The following TMTC2 variants were observed in gnomAD, a reference collection of about 807,000 sequenced individuals.
TMTC2 encodes transmembrane O-mannosyltransferase targeting cadherins 2, also known as protein O-mannosyl-transferase TMTC2.
A neutral mutation model predicts 82.4 loss-of-function variants in TMTC2; 43 were observed. The ratio of observed to expected loss-of-function variants is 0.52; its 90% confidence interval spans 0.41 to 0.67. TMTC2 has a LOEUF of 0.67. Among genes scored for constraint, TMTC2 ranks in the 30% least tolerant of loss-of-function variants. TMTC2 has a pLI of 0.00. For synonymous variants in TMTC2, 408 were observed against 381.9 expected (o/e 1.07, Z -0.80); for missense variants, 919 against 1,012.4 (o/e 0.91, Z 1.25).
At chr12:83,082,168 T>C (rs1308943959) in intron 11 of TMTC2, among the ~76,000 whole-genome samples, 1 of 152,248 alleles carries the variant, frequency 6.6e-6, no homozygotes, top group Non-Finnish European at 1.5e-5. Context: ...GTAGAAACTA[T>C]AGCTTGAAGA....
At chr12:82,790,979 G>A (rs540636129) in intron 1 of TMTC2, among the ~76,000 whole-genome samples, 19 of 152,204 alleles carry the variant, frequency 1.2e-4, no homozygotes, top group African/African-American at 4.6e-4. Context: ...AGGGGAGCCA[G>A]TTGAGTGAGC....
At chr12:82,910,892 A>G (rs1196953989) in intron 3 of TMTC2, among the ~76,000 whole-genome samples, 1 of 141,304 alleles carries the variant, frequency 7.1e-6, no homozygotes. Flanking sequence ...TTTTTTTTTT[A>G]GAGACAGAGG....
Position 82,978,178 on chromosome 12 carries a change from C to T in TMTC2, c.1949-7747C>T, listed in dbSNP as rs531643446. 5.9e-5 allele frequency among the ~76,000 whole-genome samples: 9 copies of T among 151,546 alleles called. No individual in the cohort carries two copies. The South Asian group carries it at 6.3e-4, about 11-fold the overall frequency. On this transcript the variant is annotated intron_variant, in intron 7 of 11. Coordinates refer to ENST00000321196, the MANE Select transcript of TMTC2 (RefSeq NM_152588.3). ...GAATAACCAAGACTTGATCTAGATG[C>T]AGCCAATCTTGAATAGATCAACTAA... is the stretch of plus-strand genomic sequence containing the variant.
chr12:83,004,603 A>G (rs772422955), intron 8 of TMTC2, among the ~76,000 whole-genome samples: 28 of 151,652 alleles, frequency 1.8e-4, no homozygotes, highest in Non-Finnish European at 3.7e-4. Context: ...ACTGTGAGAT[A>G]TGTATCTATT....
At chr12:82,936,736 A>G (rs1021013379) in intron 4 of TMTC2, among the ~76,000 whole-genome samples, 2 of 152,190 alleles carry the variant, frequency 1.3e-5, no homozygotes, top group African/African-American at 2.4e-5. Context: ...ATTCTATATC[A>G]TAATAAATAT....
chr12:82,869,881 A>G (rs1872084337), intron 2 of TMTC2, among the ~76,000 whole-genome samples: 1 of 151,916 alleles, frequency 6.6e-6, no homozygotes, highest in Admixed American at 6.6e-5. Context: ...AAAAATAAGA[A>G]AAGAATTTGA....
intron 7 of TMTC2, among the ~76,000 whole-genome samples, chr12:82,972,161 A>G (rs1015383193): frequency 6.6e-5 from 10 of 152,128 alleles, no homozygotes; most frequent in African/African-American, 2.2e-4. Context: ...ATGATGAGCA[A>G]TATGCATTTA....
intron 2 of TMTC2, among the ~76,000 whole-genome samples, chr12:82,866,836 C>T (rs1043399128): frequency 2.0e-5 from 3 of 152,058 alleles, no homozygotes; most frequent in African/African-American, 7.2e-5. Flanking sequence ...TCCATGAGTA[C>T]ATTAGAGATT....
intron 11 of TMTC2, among the ~76,000 whole-genome samples, chr12:83,070,816 T>C (rs1278250999): frequency 6.6e-6 from 1 of 152,194 alleles, no homozygotes; most frequent in Non-Finnish European, 1.5e-5. Context: ...CAGTATTATG[T>C]TGGCTGTAGG....
chr12:82,871,269 A>G (rs932268864), intron 2 of TMTC2, among the ~76,000 whole-genome samples: 1 of 152,216 alleles, frequency 6.6e-6, no homozygotes, highest in Non-Finnish European at 1.5e-5. Context: ...CATCTCAAAT[A>G]TCTGACTCCA....
intron 10 of TMTC2, among the ~76,000 whole-genome samples, chr12:83,052,132 A>T (rs1882372576): frequency 6.6e-6 from 1 of 152,058 alleles, no homozygotes; most frequent in East Asian, 1.9e-4. Flanking sequence ...AATTACATAG[A>T]TTACTCTTAC....
intron 1 of TMTC2, among the ~76,000 whole-genome samples, chr12:82,850,433 C>T (rs1870912525): frequency 6.6e-6 from 1 of 150,692 alleles, no homozygotes; most frequent in African/African-American, 2.4e-5. Flanking sequence ...TGAGCAACCC[C>T]CAGGCTAGAG....
At chr12:82,854,088 A>G (rs932681301) in intron 1 of TMTC2, among the ~76,000 whole-genome samples, 13 of 152,178 alleles carry the variant, frequency 8.5e-5, no homozygotes, top group Non-Finnish European at 1.5e-4. Context: ...TTAAAAGCCA[A>G]TTTATATGGA....
intron 1 of TMTC2, among the ~76,000 whole-genome samples, chr12:82,770,735 C>T (rs1380124783): frequency 6.6e-6 from 1 of 152,176 alleles, no homozygotes; most frequent in African/African-American, 2.4e-5. Context: ...AGTCCTCCTT[C>T]TTCAGCCTCT....
At chr12:83,129,873 C>A (rs953631427) in intron 11 of TMTC2, among the ~76,000 whole-genome samples, 1 of 152,210 alleles carries the variant, frequency 6.6e-6, no homozygotes. Flanking sequence ...GTGCCCACAT[C>A]TCTGTGGTAG....
chr12:83,132,216 G>A lies in TMTC2; in HGVS notation c.2338G>A (p.Ala780Thr), dbSNP rs1166569426. The A allele has an allele frequency of 6.2e-7, 1 of 1,605,342 alleles. No individual in the cohort carries two copies. Among genetic ancestry groups the A allele is most frequent in the Non-Finnish European group, 8.5e-7 (1 of 1,176,878 alleles). ...CTTCTTTCTCTTGTTGCAGTATCCG[G>A]CTGCTTTGATGAACCTGGGAGCCAT... The part of the protein sequence containing the change: ...LAARLRPNYP[A>T]ALMNLGAILH... The change falls in exon 12 of 12, where the codon GCT becomes ACT. Residue 780 changes from alanine to threonine, a missense_variant. By Grantham distance (58) the Ala-to-Thr change is moderately conservative. Transcript: ENST00000321196.
chr12:82,779,314 C>G (rs1363074063), intron 1 of TMTC2, among the ~76,000 whole-genome samples: 1 of 151,904 alleles, frequency 6.6e-6, no homozygotes, highest in Non-Finnish European at 1.5e-5. Flanking sequence ...AGGATTTAGG[C>G]AGGGGATGTC....
intron 1 of TMTC2, among the ~76,000 whole-genome samples, chr12:82,829,587 A>G (rs372438303): frequency 1.5e-4 from 23 of 152,238 alleles, no homozygotes; most frequent in East Asian, 1.9e-4. Context: ...TATGATAGAT[A>G]CTAGTACCAA....
Position 82,726,432 on chromosome 12 carries a change from G to A in TMTC2, c.83+38763G>A, listed in dbSNP as rs571607126. On this transcript the variant is annotated intron_variant, in intron 1 of 11. Coordinates refer to ENST00000321196, the MANE Select transcript of TMTC2 (RefSeq NM_152588.3). ...GACATTCTTTGTGTTTTTCTTATGTGCCAGGTGTTGGGCTAGACACTTTAC... is the reference window on the plus strand; with the variant it reads ...GACATTCTTTGTGTTTTTCTTATGTACCAGGTGTTGGGCTAGACACTTTAC... Among the ~76,000 whole-genome samples the A allele has an allele frequency of 2.0e-4, 30 of 152,288 alleles. 1 individual carries two copies. The highest frequency in any genetic ancestry group is 5.9e-4 in the Admixed American group (9 of 15,298).
Sources: allele counts gnomAD v4.1 joint callset (sites outside exome capture counted in the v4.1 genomes callset), GRCh38; gene constraint gnomAD v4.1.1; transcripts MANE v1.5; gene names NCBI Gene and HGNC (gene_info 2026-07-23, HGNC 2026-07-21).